Variants in TMEM260 observed in about 807,000 individuals in gnomAD.
TMEM260 encodes protein O-mannosyl-transferase TMEM260.
A neutral mutation model predicts 88.9 loss-of-function variants in TMEM260; 82 were observed. That is an observed-to-expected ratio of 0.92 (90% CI 0.77 to 1.11). The LOEUF is 1.11. Among genes scored for constraint, TMEM260 ranks in the 50% least tolerant of loss-of-function variants. The pLI is 0.00. For missense variants in TMEM260, 902 were observed against 853.4 expected (o/e 1.06, Z -0.71); for synonymous variants, 314 against 309.3 (o/e 1.02, Z -0.16).
intron 1 of TMEM260, among the ~76,000 whole-genome samples, chr14:56,581,706 T>C (rs975386186): frequency 2.0e-5 from 3 of 152,178 alleles, no homozygotes; most frequent in African/African-American, 7.2e-5. Context: ...GTAGGTGCAA[T>C]TATTATTTTC....
At chr14:56,616,613 A>G (rs1378653915) in intron 8 of TMEM260, among the ~76,000 whole-genome samples, 5 of 151,984 alleles carry the variant, frequency 3.3e-5, no homozygotes, top group Non-Finnish European at 7.4e-5. Flanking sequence ...TTCTATTGAG[A>G]GGTCTTTAGA....
At chr14:56,612,336 C>T in intron 7 of TMEM260, 51 bp downstream of exon 7, 1 of 1,488,060 alleles carries the variant, frequency 6.7e-7, no homozygotes, top group South Asian at 1.1e-5. Flanking sequence ...CTATTAGTTC[C>T]TTTAAGTGAT....
At chr14:56,597,454 T>A (rs1476008679) in intron 3 of TMEM260, among the ~76,000 whole-genome samples, 1 of 152,200 alleles carries the variant, frequency 6.6e-6, no homozygotes, top group Non-Finnish European at 1.5e-5. Context: ...GAAACAGCTT[T>A]TAAGTATAGG....
At chr14:56,588,798 A>T (rs933299827) in intron 3 of TMEM260, among the ~76,000 whole-genome samples, 1 of 152,064 alleles carries the variant, frequency 6.6e-6, no homozygotes, top group African/African-American at 2.4e-5. Context: ...TATATGAAAT[A>T]GTATTCATTT....
intron 11 of TMEM260, 131 bp from the exon 12 acceptor site, chr14:56,625,251 C>T (rs916051542): frequency 6.0e-6 from 5 of 834,022 alleles, no homozygotes; most frequent in Non-Finnish European, 9.2e-6. Context: ...CTCAGTTGTG[C>T]TTATATTTTT....
chr14:56,584,322 C>G (rs1342037388), intron 1 of TMEM260, among the ~76,000 whole-genome samples: 1 of 151,848 alleles, frequency 6.6e-6, no homozygotes, highest in African/African-American at 2.4e-5. Flanking sequence ...AGAAATAGTC[C>G]CTGTGCTCTG....
chr14:56,642,943 C>G (rs879534339), intron 15 of TMEM260, among the ~76,000 whole-genome samples: 1 of 152,160 alleles, frequency 6.6e-6, no homozygotes, highest in East Asian at 1.9e-4. Flanking sequence ...GAGACATACA[C>G]GCTCCCAAGA....
intron 11 of TMEM260, among the ~76,000 whole-genome samples, chr14:56,622,517 T>C (rs1887995993): frequency 6.6e-6 from 1 of 152,102 alleles, no homozygotes; most frequent in Admixed American, 6.5e-5. Context: ...ATAATTATGC[T>C]ATAGAATTTT....
intron 11 of TMEM260, among the ~76,000 whole-genome samples, chr14:56,623,532 A>G (rs1251575959): frequency 6.6e-6 from 1 of 152,170 alleles, no homozygotes; most frequent in Non-Finnish European, 1.5e-5. Context: ...GACTAGACTG[A>G]GAACATTGCA....
rs560819149 is a variant in TMEM260 at position 56,596,928 on chromosome 14, G to C, written c.345-6887G>C. ...GTTCTTAAAATCTGGTTTCTTCATA[G>C]TGTTTTGATTAGGTTACAGTTAAAA... On this transcript the variant is annotated intron_variant, in intron 3 of 15. Transcript: ENST00000261556. Among the ~76,000 whole-genome samples, 4 of 151,708 alleles carry C rather than the reference G, an allele frequency of 2.6e-5. No homozygotes were observed. The East Asian group carries it at 7.8e-4, about 29-fold the overall frequency.
chr14:56,639,850 T>A (rs554218692), intron 15 of TMEM260, among the ~76,000 whole-genome samples: 1 of 152,328 alleles, frequency 6.6e-6, no homozygotes, highest in South Asian at 2.1e-4. Context: ...TGCACCTGGC[T>A]TGGAGGGTCC....
rs1452595824 is a variant in TMEM260, at chr14:56,622,442, T to C, written c.1398+740T>C. The stretch of plus-strand genomic sequence containing the variant: ...GGTCCAGGGATTAAAATAAATTATA[T>C]TGAATATGAAATAAATCATACTGTA... On this transcript the variant is annotated intron_variant, in intron 11 of 15. Transcript: ENST00000261556. 2.6e-5 allele frequency among the ~76,000 whole-genome samples: 4 copies of C among 152,024 alleles called. No homozygotes were observed. In the East Asian group the frequency reaches 7.7e-4, roughly 29 times the overall value.
intron 3 of TMEM260, among the ~76,000 whole-genome samples, chr14:56,595,626 T>C (rs1187881854): frequency 6.6e-6 from 1 of 152,020 alleles, no homozygotes; most frequent in Non-Finnish European, 1.5e-5. Flanking sequence ...ACTACAGGCA[T>C]GTGCACCACG....
the TMEM260 span, among the ~76,000 whole-genome samples, chr14:56,662,926 G>C: frequency 6.6e-6 from 1 of 152,114 alleles, no homozygotes; most frequent in Admixed American, 6.5e-5. Flanking sequence ...TTGGGAGTTC[G>C]AGACCAGCCT....
At chr14:56,593,576 T>C (rs1270616069) in intron 3 of TMEM260, among the ~76,000 whole-genome samples, 1 of 151,744 alleles carries the variant, frequency 6.6e-6, no homozygotes, top group Non-Finnish European at 1.5e-5. Flanking sequence ...GAATAATCTA[T>C]ATCAGTGCTT....
At chr14:56,607,449 A>G (rs1390101906) in intron 5 of TMEM260, among the ~76,000 whole-genome samples, 1 of 152,172 alleles carries the variant, frequency 6.6e-6, no homozygotes, top group Non-Finnish European at 1.5e-5. Context: ...TTTATTTCCC[A>G]TTAGTTAAAA....
chr14:56,629,054 C>A lies in TMEM260; in HGVS notation c.1547+3524C>A, dbSNP rs190192566. ...GGGATTACAGGCATGTGCCACCAAGCCCAGCTAATTTTTGTATTTTTAGTA... is the reference window on the plus strand; with the variant it reads ...GGGATTACAGGCATGTGCCACCAAGACCAGCTAATTTTTGTATTTTTAGTA... On this transcript the variant is annotated intron_variant, in intron 12 of 15. Coordinates refer to ENST00000261556, the MANE Select transcript of TMEM260 (RefSeq NM_017799.4). 3.0e-4 allele frequency among the ~76,000 whole-genome samples: 46 copies of A among 152,012 alleles called. 1 individual carries two copies. Among genetic ancestry groups the A allele is most frequent in the Admixed American group, 1.5e-3 (23 of 15,258 alleles).
chr14:56,657,301 CTTTT>C, the TMEM260 span, among the ~76,000 whole-genome samples: 674 of 145,488 alleles, frequency 4.6e-3, 8 homozygotes, highest in African/African-American at 0.018. Flanking sequence ...CATTTATTCA[CTTTT>C]TTTTTTACTT....
intron 3 of TMEM260, 38 bp downstream of exon 3, chr14:56,585,950 T>C (rs1239139258): frequency 1.3e-6 from 2 of 1,599,924 alleles, no homozygotes; most frequent in African/African-American, 2.7e-5. Context: ...TTTTGAGCAG[T>C]TGGAGATGTA....
Sources: gnomAD v4.1 joint callset for allele counts (sites outside exome capture counted in the v4.1 genomes callset) on GRCh38, gnomAD v4.1.1 for gene constraint, MANE v1.5 for transcripts, NCBI Gene and HGNC (gene_info 2026-07-23, HGNC 2026-07-21) for gene names.